Variants in ZNF638 observed in about 807,000 individuals in gnomAD.
The protein encoded by ZNF638 is zinc finger protein 638.
Under a neutral mutation model 195.6 loss-of-function variants are expected in ZNF638, and 46 were observed. The ratio of observed to expected loss-of-function variants is 0.24; its 90% CI spans 0.19 to 0.30. The LOEUF (loss-of-function observed/expected upper bound fraction) is 0.30, where lower values mean the gene tolerates loss of function less well. ZNF638 is among the 10% of genes least tolerant of loss of function. The pLI is 1.00. For synonymous variants in ZNF638, 845 were observed against 772.0 expected (o/e 1.09, Z -1.57); for missense variants, 2,440 against 2,325.3 (o/e 1.05, Z -1.01).
intron 19 of ZNF638, chr2:71,407,272 G>A (rs2080124859): frequency 6.6e-6 from 1 of 152,118 alleles, no homozygotes; most frequent in African/African-American, 2.4e-5. Flanking sequence ...ATGATAAATA[G>A]TGTGACATAG....
Position 71,431,846 on chromosome 2 carries a change from A to G in ZNF638, c.5752+418A>G, listed in dbSNP as rs367688298. Among the ~76,000 whole-genome samples the G allele has an allele frequency of 7.2e-5, 11 of 152,076 alleles. No homozygotes were observed. In the South Asian group the frequency reaches 8.3e-4, roughly 11 times the overall value. ...GTAACCTTGGCTGCATTGTCATTTT[A>G]TAGTGGAAATTTGCATGTTTTACAC... On this transcript the variant is annotated intron_variant, in intron 26 of 27. Transcript: ENST00000264447.
At chr2:71,337,290 A>C (rs1232336292) in intron 1 of ZNF638, among the ~76,000 whole-genome samples, 5 of 152,176 alleles carry the variant, frequency 3.3e-5, no homozygotes, top group Middle Eastern at 3.2e-3. Context: ...TTTTTCCCGA[A>C]AAGTTTGACA....
chr2:71,405,189 G>T (rs905239611), intron 17 of ZNF638, among the ~76,000 whole-genome samples: 1 of 152,138 alleles, frequency 6.6e-6, no homozygotes, highest in African/African-American at 2.4e-5. Context: ...TAATTCAGTA[G>T]CATCAAATCT....
At chr2:71,393,734 A>G (rs1476029918) in intron 10 of ZNF638, 12 of 652,726 alleles carry the variant, frequency 1.8e-5, no homozygotes, top group Non-Finnish European at 3.4e-5. Context: ...CATCTGTTAG[A>G]TCCGCCTTTC....
intron 1 of ZNF638, among the ~76,000 whole-genome samples, chr2:71,336,385 A>C (rs866544138): frequency 4.4e-5 from 4 of 90,270 alleles, no homozygotes; most frequent in African/African-American, 2.3e-4. Flanking sequence ...AAAAAAAAAA[A>C]AAAAAAAAAA....
chr2:71,379,947 A>T, intron 8 of ZNF638: 1 of 224,950 alleles, frequency 4.4e-6, no homozygotes, highest in Non-Finnish European at 8.7e-6. Flanking sequence ...CATAGTATAT[A>T]TAGGGTTCAG....
chr2:71,402,315 T>C (rs895595218), intron 16 of ZNF638, among the ~76,000 whole-genome samples: 1 of 152,170 alleles, frequency 6.6e-6, no homozygotes, highest in Non-Finnish European at 1.5e-5. Context: ...GTCAAAGTTC[T>C]ACTCAAAATT....
chr2:71,349,389 A>G lies in ZNF638; in HGVS notation c.435A>G (p.Ala145=), dbSNP rs1304505415. 1 of 1,614,008 alleles carries G rather than the reference A, an allele frequency of 6.2e-7. No individual in the cohort carries two copies. Among genetic ancestry groups the G allele is most frequent in the Non-Finnish European group, 8.5e-7 (1 of 1,180,026 alleles). ...YTKESASSIL[A]SFGLSNEDLE... ...AAGAGAGTGCCTCAAGTATCTTAGC[A>G]AGTTTTGGATTATCTAATGAAGACC... Residue 145 remains alanine (A), a synonymous_variant, in exon 2 of 28, where the codon GCA becomes GCG. Coordinates refer to ENST00000264447, the MANE Select transcript of ZNF638 (RefSeq NM_014497.5).
intron 10 of ZNF638, chr2:71,388,817 A>G (rs1294969458): frequency 5.3e-6 from 4 of 750,176 alleles, no homozygotes; most frequent in Non-Finnish European, 9.5e-6. Context: ...CACAACAGAA[A>G]CAGTATATAA....
intron 21 of ZNF638, among the ~76,000 whole-genome samples, chr2:71,419,974 C>CCTT (rs1189202093): frequency 2.2e-4 from 6 of 27,024 alleles, no homozygotes; most frequent in Non-Finnish European, 2.3e-4. Context: ...CCCCCCCCGC[C>CCTT]TTTTTTTTTT....
intron 7 of ZNF638, 34 bp downstream of exon 7, chr2:71,368,562 A>G (rs1289687411): frequency 5.0e-6 from 8 of 1,605,822 alleles, no homozygotes; most frequent in Middle Eastern, 3.3e-4. Flanking sequence ...AAATTCATAC[A>G]AAGTGATTGC....
At chr2:71,387,450 C>T (rs549056262) in intron 10 of ZNF638, among the ~76,000 whole-genome samples, 4 of 152,038 alleles carry the variant, frequency 2.6e-5, no homozygotes, top group Non-Finnish European at 5.9e-5. Context: ...GTGGCTGGAT[C>T]ACTTGAGGCC....
At position 71,365,532 on chromosome 2, in the gene ZNF638, A is replaced by G. The variant is rs890586814; in HGVS notation, c.1821A>G (p.Ala607=). The G allele has an allele frequency of 6.2e-7, 1 of 1,614,208 alleles. No homozygotes were observed. Among genetic ancestry groups the G allele is most frequent in the Non-Finnish European group, 8.5e-7 (1 of 1,180,036 alleles). Residue 607 remains alanine (A), a synonymous_variant, in exon 6 of 28, where the codon GCA becomes GCG. Coordinates refer to ENST00000264447, the MANE Select transcript of ZNF638 (RefSeq NM_014497.5). ...CTGCTGATAAGGGACATTCACCAGC[A>G]CAAAAGCCTAAAACTAGCAGTGGAA... is the stretch of plus-strand genomic sequence containing the variant. ...LEAADKGHSP[A]QKPKTSSGTK... is the part of the protein sequence containing the mutation.
rs780454942 is a variant in ZNF638, at chr2:71,433,132, T to C, written c.5753-33T>C. The C allele has an allele frequency of 2.1e-6, 3 of 1,399,742 alleles. No homozygotes were observed. The African/African-American group carries it at 4.3e-5, about 20-fold the overall frequency. 86.7% of individuals were successfully genotyped at this position (1,399,742 alleles called of 1,614,324 possible). A position where few individuals can be genotyped will look rare whatever the true frequency, so the allele number is the denominator to read the frequency against. ...GAACACAACTGGAGATTAATTATTGTTAATTTTCTTCTTGTCTCTTCTTAT... is the reference window on the plus strand; with the variant it reads ...GAACACAACTGGAGATTAATTATTGCTAATTTTCTTCTTGTCTCTTCTTAT... On this transcript the variant is annotated intron_variant, in intron 26 of 27. Coordinates refer to ENST00000264447, the MANE Select transcript of ZNF638 (RefSeq NM_014497.5).
intron 25 of ZNF638, 146 bp from the exon 26 acceptor site, chr2:71,431,181 T>TG: frequency 1.6e-6 from 1 of 613,528 alleles, no homozygotes; most frequent in Non-Finnish European, 2.9e-6. Context: ...TAAAGAATCT[T>TG]GGAGAATATT....
chr2:71,382,240 G>A (rs1008722078), intron 10 of ZNF638, among the ~76,000 whole-genome samples: 1 of 152,114 alleles, frequency 6.6e-6, no homozygotes, highest in Non-Finnish European at 1.5e-5. Context: ...CAGCTGTCAC[G>A]AGTATCTGCT....
At chr2:71,434,647 G>A (rs992214236) in intron 27 of ZNF638, 95 bp from the exon 28 acceptor site, 1 of 1,024,620 alleles carries the variant, frequency 9.8e-7, no homozygotes, top group African/African-American at 1.7e-5. Flanking sequence ...TGTAGGATCA[G>A]TTTCTTTTAA....
intron 21 of ZNF638, among the ~76,000 whole-genome samples, chr2:71,419,246 A>G (rs1297588266): frequency 1.3e-5 from 2 of 152,118 alleles, no homozygotes; most frequent in African/African-American, 2.4e-5. Flanking sequence ...CCTCCTTATC[A>G]CCACCCTTGT....
chr2:71,410,743 C>T (rs2152587415), intron 20 of ZNF638, among the ~76,000 whole-genome samples: 1 of 152,164 alleles, frequency 6.6e-6, no homozygotes, highest in Admixed American at 6.5e-5. Flanking sequence ...GTGATAGTCC[C>T]TCAGCAGAAG....
Sources: allele counts gnomAD v4.1 joint callset (sites outside exome capture counted in the v4.1 genomes callset), GRCh38; gene constraint gnomAD v4.1.1; transcripts MANE v1.5; gene names NCBI Gene and HGNC (gene_info 2026-07-23, HGNC 2026-07-21).